NR3C2: variants seen among roughly 807,000 people sequenced by gnomAD.
The protein encoded by NR3C2 is mineralocorticoid receptor.
In NR3C2, 15 loss-of-function variants were observed where a neutral mutation model predicts 86.4. The observed-to-expected ratio is 0.17, with a 90% CI of 0.12 to 0.27. The LOEUF is 0.27. NR3C2 is among the 10% of genes least tolerant of loss of function. The pLI is 1.00. For synonymous variants in NR3C2, 458 were observed against 450.5 expected (o/e 1.02, Z -0.21); for missense variants, 960 against 1,195.6 (o/e 0.80, Z 2.91).
intron 2 of NR3C2, among the ~76,000 whole-genome samples, chr4:148,364,406 ATCT>A (rs1036354787): frequency 4.6e-5 from 7 of 152,178 alleles, no homozygotes; most frequent in Non-Finnish European, 8.8e-5. Flanking sequence ...GAGAAAAGTA[ATCT>A]TCTTTGCTTC....
At chr4:148,377,186 A>G (rs1579225056) in intron 2 of NR3C2, among the ~76,000 whole-genome samples, 1 of 152,228 alleles carries the variant, frequency 6.6e-6, no homozygotes, top group Admixed American at 6.5e-5. Context: ...CTAAAGAGAA[A>G]AAATAAACGA....
chr4:148,108,676 G>GA (rs1320155086), intron 8 of NR3C2, among the ~76,000 whole-genome samples: 1 of 152,146 alleles, frequency 6.6e-6, no homozygotes, highest in Non-Finnish European at 1.5e-5. Context: ...GTGACACACT[G>GA]ACCCCCACCC....
intron 2 of NR3C2, among the ~76,000 whole-genome samples, chr4:148,405,939 G>A (rs1373106071): frequency 6.6e-6 from 1 of 152,122 alleles, no homozygotes; most frequent in Non-Finnish European, 1.5e-5. Context: ...AGGTCAGACG[G>A]TCAAGACCAG....
chr4:148,359,900 C>A (rs1446707494), intron 2 of NR3C2, among the ~76,000 whole-genome samples: 2 of 152,132 alleles, frequency 1.3e-5, no homozygotes, highest in African/African-American at 4.8e-5. Flanking sequence ...AGGCTGGAGC[C>A]AGGTGAGCAT....
At chr4:148,409,583 CT>C (rs887008464) in intron 2 of NR3C2, among the ~76,000 whole-genome samples, 7 of 152,120 alleles carry the variant, frequency 4.6e-5, no homozygotes, top group African/African-American at 1.7e-4. Flanking sequence ...TGTTATTTTT[CT>C]TTTCCAAAGA....
At chr4:148,220,700 G>T (rs564206693) in intron 3 of NR3C2, among the ~76,000 whole-genome samples, 1 of 152,180 alleles carries the variant, frequency 6.6e-6, no homozygotes, top group Admixed American at 6.5e-5. Flanking sequence ...GGAAACTGAG[G>T]GGGGAGGATG....
upstream of NR3C2, chr4:148,443,967 T>C (rs578181841): frequency 1.0e-6 from 1 of 983,030 alleles, no homozygotes. Flanking sequence ...CCCCAGACTC[T>C]AATGCCCCTC....
chr4:148,304,206 T>G lies in NR3C2; in HGVS notation c.1758-44089A>C, dbSNP rs1416983529. Among the ~76,000 whole-genome samples, 7 of 152,256 alleles carry G rather than the reference T, an allele frequency of 4.6e-5. No individual in the cohort carries two copies. In the East Asian group the frequency reaches 1.4e-3, roughly 29 times the overall value. On this transcript the variant is annotated intron_variant, in intron 2 of 8. Coordinates refer to ENST00000358102, the MANE Select transcript of NR3C2 (RefSeq NM_000901.5). ...CATACTGTGGGACACTCCCCTCGGA[T>G]GCATCCTCCAAACTGGGAAAAGTTA...
intron 6 of NR3C2, among the ~76,000 whole-genome samples, chr4:148,133,543 T>C (rs1485074164): frequency 6.6e-6 from 1 of 152,222 alleles, no homozygotes; most frequent in Non-Finnish European, 1.5e-5. Context: ...TACCAGACTA[T>C]TGTTTGGGTA....
intron 2 of NR3C2, among the ~76,000 whole-genome samples, chr4:148,358,091 T>C (rs1314519644): frequency 6.6e-6 from 1 of 152,100 alleles, no homozygotes; most frequent in African/African-American, 2.4e-5. Context: ...GAACTAGAAA[T>C]ACCATTTGAC....
At chr4:148,179,083 A>T (rs1180223961) in intron 4 of NR3C2, among the ~76,000 whole-genome samples, 1 of 151,758 alleles carries the variant, frequency 6.6e-6, no homozygotes, top group African/African-American at 2.4e-5. Flanking sequence ...ATCTGCAGTG[A>T]CCTGAAATAA....
At chr4:148,091,213 G>A (rs1731045900) in intron 8 of NR3C2, among the ~76,000 whole-genome samples, 1 of 152,262 alleles carries the variant, frequency 6.6e-6, no homozygotes, top group African/African-American at 2.4e-5. Context: ...GGGAACATCT[G>A]TGAGAATCCA....
At chr4:148,338,982 A>G (rs1390344998) in intron 2 of NR3C2, among the ~76,000 whole-genome samples, 2 of 152,232 alleles carry the variant, frequency 1.3e-5, no homozygotes, top group Non-Finnish European at 2.9e-5. Context: ...TTTAATTTTA[A>G]AAAAGTCCTT....
At chr4:148,307,674 G>C (rs529944364) in intron 2 of NR3C2, among the ~76,000 whole-genome samples, 87 of 152,104 alleles carry the variant, frequency 5.7e-4, no homozygotes, top group African/African-American at 1.9e-3. Context: ...CACTACCTTG[G>C]GGGTAGTCGG....
At chr4:148,179,263 T>C (rs1441112845) in intron 4 of NR3C2, among the ~76,000 whole-genome samples, 1 of 150,962 alleles carries the variant, frequency 6.6e-6, no homozygotes, top group Non-Finnish European at 1.5e-5. Context: ...GAAAGGACAG[T>C]TCGGATTATA....
chr4:148,259,148 C>A (rs894396231), intron 3 of NR3C2, among the ~76,000 whole-genome samples: 2 of 152,166 alleles, frequency 1.3e-5, no homozygotes, highest in Non-Finnish European at 2.9e-5. Context: ...TCTAAGAAAA[C>A]TTCTCTGAGA....
chr4:148,424,929 T>C (rs1749455620), intron 2 of NR3C2, among the ~76,000 whole-genome samples: 4 of 152,184 alleles, frequency 2.6e-5, no homozygotes, highest in Admixed American at 2.6e-4. Flanking sequence ...AGTAATCTCA[T>C]TGCGCAGACT....
intron 7 of NR3C2, among the ~76,000 whole-genome samples, chr4:148,116,329 C>A (rs774604760): frequency 1.3e-5 from 2 of 152,164 alleles, no homozygotes; most frequent in Admixed American, 6.5e-5. Flanking sequence ...AGTTTCCCAG[C>A]CAGATTTTTT....
chr4:148,419,332 T>C (rs61758346), intron 2 of NR3C2, among the ~76,000 whole-genome samples: 18 of 152,108 alleles, frequency 1.2e-4, no homozygotes, highest in Non-Finnish European at 2.4e-4. Flanking sequence ...GTTCATGAAA[T>C]GGTTGGCGAA....
Sources: gnomAD v4.1 joint callset for allele counts (sites outside exome capture counted in the v4.1 genomes callset) on GRCh38, gnomAD v4.1.1 for gene constraint, MANE v1.5 for transcripts, NCBI Gene and HGNC (gene_info 2026-07-23, HGNC 2026-07-21) for gene names.